The following FLT1 variants were observed in gnomAD, a reference collection of about 807,000 sequenced individuals.
FLT1 encodes the protein vascular endothelial growth factor receptor 1.
A neutral mutation model predicts 156.3 loss-of-function variants in FLT1; 49 were observed. That is an observed-to-expected ratio of 0.31 (90% CI 0.25 to 0.40). The LOEUF is 0.40. Among genes scored for constraint, FLT1 ranks in the 10% least tolerant of loss-of-function variants. FLT1 has a pLI of 1.00. For missense variants in FLT1, 1,322 were observed against 1,637.2 expected (o/e 0.81, Z 3.32); for synonymous variants, 594 against 583.8 (o/e 1.02, Z -0.25).
At chr13:28,436,866 T>C (rs941695499) in intron 4 of FLT1, among the ~76,000 whole-genome samples, 2 of 152,196 alleles carry the variant, frequency 1.3e-5, no homozygotes, top group African/African-American at 4.8e-5. Context: ...CTATTGTCAT[T>C]ACCCCCTTCC....
chr13:28,328,125 C>G lies in FLT1; in HGVS notation c.2708-575G>C, dbSNP rs969019357. Among the ~76,000 whole-genome samples, 5 of 152,338 alleles carry G rather than the reference C, an allele frequency of 3.3e-5. No homozygotes were observed. In the East Asian group the frequency reaches 9.6e-4, roughly 29 times the overall value. Reference sequence around the variant, plus strand: ...ATCAAGGAGCTACTACTCAATTCTGCCTTTGTAGCCTGGAAACAACCAAAC... The same window carrying G: ...ATCAAGGAGCTACTACTCAATTCTGGCTTTGTAGCCTGGAAACAACCAAAC... On this transcript the variant is annotated intron_variant, in intron 19 of 29. Coordinates refer to ENST00000282397, the MANE Select transcript of FLT1 (RefSeq NM_002019.4).
chr13:28,372,106 G>A (rs146257140), intron 14 of FLT1, among the ~76,000 whole-genome samples: 1 of 58,868 alleles, frequency 1.7e-5, no homozygotes. Context: ...TTTTGAGACA[G>A]AGTCTCGCTC....
intron 29 of FLT1, among the ~76,000 whole-genome samples, chr13:28,305,385 C>T (rs745809448): frequency 5.3e-5 from 8 of 152,246 alleles, no homozygotes; most frequent in Admixed American, 6.5e-5. Flanking sequence ...CAGCACACCC[C>T]GGCTAATTTC....
At chr13:28,329,582 G>A (rs2138840290) in intron 19 of FLT1, 33 bp downstream of exon 19, 2 of 1,440,454 alleles carry the variant, frequency 1.4e-6, no homozygotes, top group Non-Finnish European at 2.0e-6. Context: ...CTGTGCAGGG[G>A]GAGACGGAGC....
chr13:28,466,789 C>T, intron 3 of FLT1, 114 bp downstream of exon 3: 1 of 771,848 alleles, frequency 1.3e-6, no homozygotes, highest in East Asian at 2.7e-5. Flanking sequence ...AATCTCTTTC[C>T]TAACCCGTTT....
intron 11 of FLT1, among the ~76,000 whole-genome samples, chr13:28,402,680 A>G (rs1875521474): frequency 1.3e-5 from 2 of 152,228 alleles, no homozygotes; most frequent in South Asian, 4.1e-4. Flanking sequence ...CAATCAGTTT[A>G]GGGAATTGCA....
chr13:28,449,402 T>A (rs1377360987), intron 3 of FLT1, among the ~76,000 whole-genome samples: 3 of 152,216 alleles, frequency 2.0e-5, no homozygotes. Context: ...CCACATGGAA[T>A]GCGCAATTTA....
intron 4 of FLT1, among the ~76,000 whole-genome samples, chr13:28,434,754 G>A (rs1877929543): frequency 1.3e-5 from 2 of 152,162 alleles, no homozygotes; most frequent in South Asian, 2.1e-4. Context: ...ATTGTGGCAG[G>A]CGCCTGTAAT....
chr13:28,421,782 A>AAT (rs146661617), intron 10 of FLT1, among the ~76,000 whole-genome samples: 3,453 of 152,340 alleles, frequency 0.023, 66 homozygotes, highest in Middle Eastern at 0.061. Context: ...GAAGGAAGAA[A>AAT]ATATAATTTA....
At chr13:28,387,342 A>C in intron 13 of FLT1, 1 of 1,048,092 alleles carries the variant, frequency 9.5e-7, no homozygotes, top group Non-Finnish European at 1.2e-6. Flanking sequence ...TATTTTGTCA[A>C]TTCTTACTTT....
intron 1 of FLT1, among the ~76,000 whole-genome samples, chr13:28,476,145 G>A (rs569586194): frequency 6.6e-5 from 10 of 151,658 alleles, no homozygotes; most frequent in African/African-American, 1.9e-4. Flanking sequence ...ACACACACAC[G>A]CTTGCTGACA....
At chr13:28,367,985 G>A (rs1273573679) in intron 14 of FLT1, 1 of 182,522 alleles carries the variant, frequency 5.5e-6, no homozygotes, top group Non-Finnish European at 1.0e-5. Context: ...GCACATTTAT[G>A]AACTGACTTT....
chr13:28,368,269 C>T (rs1337057999), intron 14 of FLT1: 7 of 367,206 alleles, frequency 1.9e-5, no homozygotes, highest in Non-Finnish European at 3.2e-5. Flanking sequence ...TCTCCTGTCT[C>T]AGCCTCCCGA....
rs1871482436 is a variant in FLT1 at position 28,322,039 on chromosome 13, T to G, written c.3051+223A>C. On this transcript the variant is annotated intron_variant, in intron 22 of 29. Transcript: ENST00000282397. The surrounding 1 kb of genome is among the most constrained non-coding windows in gnomAD (Gnocchi z 4.3). Reference sequence around the variant, plus strand: ...GAGAGCCGATGCCAGGTTTGTCTAGTCTGAAACCTGTGAGTTTTCCCCAGA... The same window carrying G: ...GAGAGCCGATGCCAGGTTTGTCTAGGCTGAAACCTGTGAGTTTTCCCCAGA... Among the ~76,000 whole-genome samples the G allele has an allele frequency of 6.6e-6, 1 of 152,228 alleles. No individual in the cohort carries two copies. Among genetic ancestry groups the G allele is most frequent in the South Asian group, 2.1e-4 (1 of 4,832 alleles).
intron 3 of FLT1, among the ~76,000 whole-genome samples, chr13:28,445,019 A>G (rs929750022): frequency 7.9e-5 from 12 of 152,218 alleles, no homozygotes; most frequent in African/African-American, 2.9e-4. Context: ...AGAAAATAAT[A>G]AAGATTATAG....
chr13:28,473,725 AGAAAGAAGGAAGGAAGGAAGGAAGGAAG>A lies in FLT1; in HGVS notation c.65-6136_65-6109del, dbSNP rs1377485436. On this transcript the variant is annotated intron_variant, in intron 1 of 29. Coordinates refer to ENST00000282397, the MANE Select transcript of FLT1 (RefSeq NM_002019.4). ...AAGAAAGAAAGAAAGAAAGAAAGAA[AGAAAGAAGGAAGGAAGGAAGGAAGGAAG>A]GAAGGAAGGAAGGAAGGAAGGAAGG... 9.6e-3 allele frequency among the ~76,000 whole-genome samples: 861 copies of A among 89,274 alleles called. 29 individuals carry two copies. Among genetic ancestry groups the A allele is most frequent in the African/African-American group, 0.04 (822 of 20,440 alleles). 58.6% of individuals were successfully genotyped at this position (89,274 alleles called of 152,430 possible). A position where few individuals can be genotyped will look rare whatever the true frequency, so the allele number is the denominator to read the frequency against.
chr13:28,353,664 T>C (rs1031016466), intron 15 of FLT1, among the ~76,000 whole-genome samples: 35 of 152,180 alleles, frequency 2.3e-4, no homozygotes, highest in African/African-American at 3.6e-4. Flanking sequence ...GATGAAATTG[T>C]AACAGCCCCA....
In FLT1 at chr13:28,301,994, A is replaced by G. The variant is rs1158981380; in HGVS notation, c.*1173T>C. On this transcript the variant is annotated 3_prime_UTR_variant, in exon 30 of 30. Coordinates refer to ENST00000282397, the MANE Select transcript of FLT1 (RefSeq NM_002019.4). ...TGTGAGATAGTGGAATCCCCATTAA[A>G]TGAAAAGGAAACGTGACTGACTTCC... The G allele has an allele frequency of 1.3e-5, 3 of 233,592 alleles. No individual in the cohort carries two copies. Among genetic ancestry groups the G allele is most frequent in the Non-Finnish European group, 2.5e-5 (3 of 118,058 alleles). 14.5% of individuals were successfully genotyped at this position (233,592 alleles called of 1,614,324 possible).
rs80085349 is a variant in FLT1, at chr13:28,313,540, G to A, written c.3387-1442C>T. On this transcript the variant is annotated intron_variant, in intron 25 of 29. Coordinates refer to ENST00000282397, the MANE Select transcript of FLT1 (RefSeq NM_002019.4). ...CTGAATGGGCTCCGAATTTGGCTCT[G>A]GGTGGGAATTGGGCTGTAAGCACTA... 3.8e-3 allele frequency among the ~76,000 whole-genome samples: 572 copies of A among 152,270 alleles called. 1 individual carries two copies. Among genetic ancestry groups the A allele is most frequent in the African/African-American group, 0.013 (548 of 41,540 alleles).
Sources: allele counts gnomAD v4.1 joint callset (sites outside exome capture counted in the v4.1 genomes callset), GRCh38; gene constraint gnomAD v4.1.1; non-coding constraint Gnocchi (gnomAD v3.1); transcripts MANE v1.5; gene names NCBI Gene and HGNC (gene_info 2026-07-23, HGNC 2026-07-21).